Variants in PTPRD observed in about 807,000 individuals in gnomAD.
The protein encoded by PTPRD is receptor-type tyrosine-protein phosphatase delta.
In PTPRD, 34 loss-of-function variants were observed where a neutral mutation model predicts 214.5. That is an observed-to-expected ratio of 0.16 (90% CI 0.12 to 0.21). PTPRD has a LOEUF of 0.21. Ranked by LOEUF, PTPRD falls within the 10% of genes least tolerant of loss-of-function variation. The pLI is 1.00. For synonymous variants in PTPRD, 1,128 were observed against 845.7 expected (o/e 1.33, Z -5.79); for missense variants, 2,545 against 2,398.7 (o/e 1.06, Z -1.27).
chr9:9,663,128 T>C (rs1000286762), intron 7 of PTPRD, among the ~76,000 whole-genome samples: 9 of 151,522 alleles, frequency 5.9e-5, no homozygotes, highest in African/African-American at 2.2e-4. Context: ...GTAGATATTA[T>C]AGTTAGCAAT....
At chr9:8,538,948 C>T (rs566333360) in intron 14 of PTPRD, among the ~76,000 whole-genome samples, 35 of 151,902 alleles carry the variant, frequency 2.3e-4, no homozygotes, top group Admixed American at 2.3e-3. Context: ...AAGAATGAGA[C>T]TGGAACAAGC....
At chr9:10,507,000 G>T (rs2046213916) in intron 2 of PTPRD, among the ~76,000 whole-genome samples, 1 of 152,080 alleles carries the variant, frequency 6.6e-6, no homozygotes, top group Admixed American at 6.6e-5. Context: ...GTGAGAGAGG[G>T]CATCCCTGTC....
chr9:9,420,867 T>C (rs966699431), intron 8 of PTPRD, among the ~76,000 whole-genome samples: 1 of 151,978 alleles, frequency 6.6e-6, no homozygotes, highest in Non-Finnish European at 1.5e-5. Context: ...AAAATATCTT[T>C]TCATAAATGC....
chr9:9,715,337 G>A (rs557654285), intron 7 of PTPRD, among the ~76,000 whole-genome samples: 3 of 152,234 alleles, frequency 2.0e-5, no homozygotes, highest in East Asian at 1.9e-4. Flanking sequence ...CTCTGTAAAT[G>A]TTTGTTGAAT....
intron 2 of PTPRD, among the ~76,000 whole-genome samples, chr9:10,367,516 G>A (rs759665710): frequency 3.3e-5 from 5 of 152,124 alleles, no homozygotes; most frequent in Non-Finnish European, 7.4e-5. Flanking sequence ...AATGTTGAAA[G>A]TTTCACGTCC....
chr9:8,404,457 AACC>A, intron 36 of PTPRD, 77 bp downstream of exon 36: 4 of 1,514,606 alleles, frequency 2.6e-6, no homozygotes, highest in Non-Finnish European at 3.6e-6. Context: ...GATGGTTAAT[AACC>A]TCACTAAAAC....
At chr9:8,583,489 AATTT>A (rs2093365612) in intron 14 of PTPRD, among the ~76,000 whole-genome samples, 1 of 152,222 alleles carries the variant, frequency 6.6e-6, no homozygotes, top group African/African-American at 2.4e-5. Flanking sequence ...ATGGCTGGAT[AATTT>A]ATTTAAAAAA....
intron 11 of PTPRD, among the ~76,000 whole-genome samples, chr9:8,735,743 C>T (rs760557459): frequency 6.6e-6 from 1 of 151,866 alleles, no homozygotes; most frequent in Non-Finnish European, 1.5e-5. Context: ...AACTCCGTCT[C>T]TACTAAAAAC....
At chr9:9,499,725 T>G (rs2154219967) in intron 8 of PTPRD, among the ~76,000 whole-genome samples, 1 of 152,102 alleles carries the variant, frequency 6.6e-6, no homozygotes. Context: ...AATGAATACT[T>G]AAAACAAAAC....
intron 10 of PTPRD, among the ~76,000 whole-genome samples, chr9:9,159,678 G>C (rs1371067646): frequency 1.3e-5 from 2 of 152,076 alleles, no homozygotes; most frequent in East Asian, 1.9e-4. Flanking sequence ...AAAATTCAAT[G>C]TCATTTTTCA....
chr9:9,168,680 T>A (rs576231167), intron 10 of PTPRD, among the ~76,000 whole-genome samples: 8 of 152,228 alleles, frequency 5.3e-5, no homozygotes, highest in African/African-American at 1.9e-4. Flanking sequence ...TTCTCTAACT[T>A]TGTAAGCTTT....
At chr9:9,603,815 T>C (rs939524606) in intron 7 of PTPRD, among the ~76,000 whole-genome samples, 2 of 151,300 alleles carry the variant, frequency 1.3e-5, no homozygotes, top group African/African-American at 2.4e-5. Flanking sequence ...CTAGAACTTT[T>C]AGTAAGAGTA....
chr9:8,535,750 T>C (rs1322312517), intron 14 of PTPRD, among the ~76,000 whole-genome samples: 7 of 151,936 alleles, frequency 4.6e-5, no homozygotes, highest in Non-Finnish European at 8.8e-5. Flanking sequence ...TTTCTTAACA[T>C]TCTGAAAATA....
At chr9:9,703,973 C>A (rs534957100) in intron 7 of PTPRD, among the ~76,000 whole-genome samples, 1 of 152,202 alleles carries the variant, frequency 6.6e-6, no homozygotes, top group Admixed American at 6.5e-5. Context: ...CAGCCCTGAT[C>A]TCCCAGGCTC....
chr9:8,924,304 G>C (rs998524136), intron 11 of PTPRD, among the ~76,000 whole-genome samples: 1 of 152,006 alleles, frequency 6.6e-6, no homozygotes, highest in Non-Finnish European at 1.5e-5. Flanking sequence ...ATTTCAATCA[G>C]GTATTTATTG....
intron 5 of PTPRD, among the ~76,000 whole-genome samples, chr9:9,907,156 A>C (rs558233810): frequency 0.015 from 1,012 of 68,378 alleles, 17 homozygotes; most frequent in African/African-American, 0.052. Context: ...CCTATTCCCC[A>C]AACTCCAGGT....
At chr9:9,628,424 A>G (rs954673352) in intron 7 of PTPRD, among the ~76,000 whole-genome samples, 6 of 151,942 alleles carry the variant, frequency 3.9e-5, no homozygotes, top group Non-Finnish European at 5.9e-5. Flanking sequence ...CTCCCCATAC[A>G]TCTTTCAGAA....
At chr9:10,565,210 C>G (rs2065228624) in intron 2 of PTPRD, among the ~76,000 whole-genome samples, 1 of 151,940 alleles carries the variant, frequency 6.6e-6, no homozygotes, top group Admixed American at 6.6e-5. Flanking sequence ...CCAAAAGACC[C>G]TATCATCTGC....
Position 8,317,207 on chromosome 9 carries a change from A to G in PTPRD, c.*667T>C, listed in dbSNP as rs1419711836. 1 of 231,918 alleles carries G rather than the reference A, an allele frequency of 4.3e-6. No homozygotes were observed. The highest frequency in any genetic ancestry group is 8.5e-6 in the Non-Finnish European group (1 of 117,086). 14.4% of individuals were successfully genotyped at this position (231,918 alleles called of 1,614,324 possible). A position where few individuals can be genotyped will look rare whatever the true frequency, so the allele number is the denominator to read the frequency against. ...ATATTTCTACAGCAAGATATTACAG[A>G]TAACAGTTCTACAGCTTAAAAAAAC... On this transcript the variant is annotated 3_prime_UTR_variant, in exon 46 of 46. Transcript: ENST00000381196.
Sources: allele counts gnomAD v4.1 joint callset (sites outside exome capture counted in the v4.1 genomes callset), GRCh38; gene constraint gnomAD v4.1.1; transcripts MANE v1.5; gene names NCBI Gene and HGNC (gene_info 2026-07-23, HGNC 2026-07-21).